TDP1: variants seen among roughly 807,000 people sequenced by gnomAD.
The protein encoded by TDP1 is tyrosyl-DNA phosphodiesterase 1, also known as tyr-DNA phosphodiesterase 1.
TDP1 carries 64 observed loss-of-function variants against 81.5 expected under a neutral mutation model. The ratio of observed to expected loss-of-function variants is 0.79; its 90% CI spans 0.64 to 0.97. The LOEUF (loss-of-function observed/expected upper bound fraction) is 0.97, where lower values mean the gene tolerates loss of function less well. Ranked by LOEUF, TDP1 falls within the 50% of genes least tolerant of loss-of-function variation. The pLI, the probability that TDP1 is intolerant of heterozygous loss-of-function variation, is 0.00. For missense variants in TDP1, 723 were observed against 743.8 expected (o/e 0.97, Z 0.33); for synonymous variants, 256 against 264.3 (o/e 0.97, Z 0.30).
At chr14:89,988,766 G>T in intron 10 of TDP1, 139 bp from the exon 11 acceptor site, 1 of 1,519,650 alleles carries the variant, frequency 6.6e-7, no homozygotes, top group South Asian at 1.3e-5. Flanking sequence ...TGTATGTGTG[G>T]GTATGAAATT....
intron 7 of TDP1, 126 bp downstream of exon 7, chr14:89,975,941 G>T (rs1381032908): frequency 2.6e-6 from 2 of 778,930 alleles, no homozygotes; most frequent in Non-Finnish European, 4.7e-6. Flanking sequence ...GCTTAACTGA[G>T]CCTGGGGGAG....
At chr14:90,036,282 A>G (rs1257658320) in intron 16 of TDP1, among the ~76,000 whole-genome samples, 1 of 152,222 alleles carries the variant, frequency 6.6e-6, no homozygotes, top group Admixed American at 6.5e-5. Flanking sequence ...GTAATTCAGT[A>G]TTACCAGTTC....
intron 6 of TDP1, among the ~76,000 whole-genome samples, chr14:89,972,942 C>A (rs1893835660): frequency 6.6e-6 from 1 of 151,986 alleles, no homozygotes; most frequent in Non-Finnish European, 1.5e-5. Context: ...CTTCTAGTGT[C>A]TTTTTTCCCC....
intron 16 of TDP1, chr14:90,033,530 C>G: frequency 2.7e-6 from 1 of 372,794 alleles, no homozygotes; most frequent in South Asian, 2.2e-5. Context: ...AGCACCATAG[C>G]TTAGTCTAGC....
intron 14 of TDP1, among the ~76,000 whole-genome samples, chr14:89,998,393 T>C (rs1471548711): frequency 9.3e-6 from 1 of 107,722 alleles, no homozygotes; most frequent in Admixed American, 8.8e-5. Flanking sequence ...TATATATATA[T>C]ATATATATAT....
intron 14 of TDP1, among the ~76,000 whole-genome samples, chr14:90,002,132 TC>T (rs1897242455): frequency 6.6e-6 from 1 of 152,194 alleles, no homozygotes; most frequent in South Asian, 2.1e-4. Context: ...CCATTCCTGT[TC>T]CCCAGCCACC....
At chr14:89,971,589 C>G (rs188631068) in intron 6 of TDP1, among the ~76,000 whole-genome samples, 28 of 152,324 alleles carry the variant, frequency 1.8e-4, no homozygotes, top group Middle Eastern at 3.4e-3. Context: ...ATTCATATAT[C>G]TAAAGTGATC....
At position 89,986,300 on chromosome 14, in the gene TDP1, G is replaced by A. The variant is rs34808800; in HGVS notation, c.1131+1090G>A. Among the ~76,000 whole-genome samples the A allele has an allele frequency of 6.0e-3, 910 of 152,302 alleles. 4 individuals are homozygous for A. The highest frequency in any genetic ancestry group is 0.021 in the African/African-American group (866 of 41,566). ...AACCCTGCTTTGTTATCTACAAGCC[G>A]TGTGACCTCGACTTGTTCCTTAACA... On this transcript the variant is annotated intron_variant, in intron 10 of 16. Transcript: ENST00000335725.
At chr14:89,966,416 C>T (rs1892956082) in intron 4 of TDP1, among the ~76,000 whole-genome samples, 3 of 152,160 alleles carry the variant, frequency 2.0e-5, no homozygotes, top group South Asian at 2.1e-4. Flanking sequence ...AAGTCAGCCT[C>T]CGCTGGCCAA....
In TDP1 at chr14:89,980,636, C is replaced by T. The variant is rs199778710; in HGVS notation, c.884+4C>T. On this transcript the variant is annotated splice_donor_region_variant and intron_variant, in intron 8 of 16. Coordinates refer to ENST00000335725, the MANE Select transcript of TDP1 (RefSeq NM_018319.4). ...ACTGGCACCAGAAAACTCAAGGGTT[C>T]GTAGGGGCCTGCTCACTTCCTGGCA... is the stretch of plus-strand genomic sequence containing the variant. 108 of 1,612,530 alleles carry T rather than the reference C, an allele frequency of 6.7e-5. No homozygotes were observed. The highest frequency in any genetic ancestry group is 5.3e-5 in the Non-Finnish European group (62 of 1,178,710).
upstream of TDP1, chr14:89,955,397 C>A (rs559754105): frequency 6.6e-6 from 1 of 152,350 alleles, no homozygotes; most frequent in African/African-American, 2.4e-5. Flanking sequence ...AGCAAACATC[C>A]TTATTAAAGG....
intron 14 of TDP1, among the ~76,000 whole-genome samples, chr14:90,006,818 C>T (rs573037253): frequency 1.3e-5 from 2 of 151,980 alleles, no homozygotes; most frequent in Non-Finnish European, 2.9e-5. Context: ...GGATTACAGG[C>T]GTGAGGCACC....
chr14:89,966,642 A>C (rs1892976517), intron 4 of TDP1, among the ~76,000 whole-genome samples: 1 of 152,228 alleles, frequency 6.6e-6, no homozygotes, highest in South Asian at 2.1e-4. Context: ...TTGTCTTGAT[A>C]AATCATGTAA....
chr14:89,981,498 C>A (rs971287536), intron 8 of TDP1: 11 of 454,176 alleles, frequency 2.4e-5, no homozygotes, highest in Non-Finnish European at 4.0e-5. Flanking sequence ...TAGAGAAGAG[C>A]TGGTTAACAA....
In TDP1 at chr14:89,963,300, T is replaced by G; in HGVS notation, c.186T>G (p.Pro62=). The change falls in exon 3 of 17, where the codon CCT becomes CCG. Residue 62 remains proline (P), a synonymous_variant. Transcript: ENST00000335725. ...QKAAHKRKIS[P]VKFSNTDSVL... is the part of the protein sequence containing the mutation. ...CTGCACACAAGAGGAAAATATCACC[T>G]GTGAAATTCAGCAATACAGATTCAG... The G allele has an allele frequency of 6.2e-7, 1 of 1,614,160 alleles. No individual in the cohort carries two copies. The highest frequency in any genetic ancestry group is 8.5e-7 in the Non-Finnish European group (1 of 1,180,028).
chr14:89,965,425 C>T (rs961057117), intron 3 of TDP1, among the ~76,000 whole-genome samples: 6 of 152,118 alleles, frequency 3.9e-5, no homozygotes, highest in Non-Finnish European at 7.3e-5. Context: ...ACAGACCCCA[C>T]CTAGAAAATG....
At chr14:90,021,494 T>C (rs544805378) in intron 15 of TDP1, among the ~76,000 whole-genome samples, 27 of 152,370 alleles carry the variant, frequency 1.8e-4, no homozygotes, top group Admixed American at 1.6e-3. Flanking sequence ...ATGAAAATGC[T>C]GATCATGAAA....
intron 2 of TDP1, 197 bp downstream of exon 2, chr14:89,956,997 C>T (rs755078695): frequency 6.6e-6 from 1 of 152,236 alleles, no homozygotes; most frequent in Non-Finnish European, 1.5e-5. Flanking sequence ...GTCTTCTCCC[C>T]TCACCCGCTT....
chr14:89,969,283 C>G (rs1303440566), intron 5 of TDP1, among the ~76,000 whole-genome samples: 3 of 151,868 alleles, frequency 2.0e-5, no homozygotes, highest in African/African-American at 7.3e-5. Context: ...TCCTCCTTCT[C>G]CCTGCATCCC....
Sources: allele counts gnomAD v4.1 joint callset (sites outside exome capture counted in the v4.1 genomes callset), GRCh38; gene constraint gnomAD v4.1.1; transcripts MANE v1.5; gene names NCBI Gene and HGNC (gene_info 2026-07-23, HGNC 2026-07-21).